LRRC4B: variants seen among roughly 807,000 people sequenced by gnomAD.
LRRC4B encodes the protein leucine rich repeat containing 4B.
LRRC4B carries 1 observed loss-of-function variant against 7.3 expected under a neutral mutation model. The ratio of observed to expected loss-of-function variants is 0.14; its 90% CI spans 0.05 to 0.65. The LOEUF (loss-of-function observed/expected upper bound fraction) is 0.65, where lower values mean the gene tolerates loss of function less well. LRRC4B is among the 30% of genes least tolerant of loss of function. The pLI is 0.84. For synonymous variants in LRRC4B, 500 were observed against 499.2 expected (o/e 1.00, Z -0.02); for missense variants, 730 against 1,041.6 (o/e 0.70, Z 4.12).
In LRRC4B at chr19:50,567,715, A is replaced by G. The variant is rs976104210; in HGVS notation, c.-36+229T>C. 4.8e-5 allele frequency among the ~76,000 whole-genome samples: 3 copies of G among 62,030 alleles called. No homozygotes were observed. The South Asian group carries it at 2.0e-3, about 41-fold the overall frequency. The allele number at this position is 62,030 out of a possible 152,430, so 40.7% of individuals were successfully genotyped here. On this transcript the variant is annotated intron_variant, in intron 1 of 2. Transcript: ENST00000652263. ...CTGTCCCCAGGCAGCGGCGACAACCACCCCCCCCACAGCACAGAACTCGCC... is the reference window on the plus strand; with the variant it reads ...CTGTCCCCAGGCAGCGGCGACAACCGCCCCCCCCACAGCACAGAACTCGCC...
intron 1 of LRRC4B, among the ~76,000 whole-genome samples, chr19:50,550,047 T>C (rs1344768046): frequency 1.3e-5 from 2 of 152,080 alleles, no homozygotes; most frequent in South Asian, 2.1e-4. Context: ...CCAGTAACAA[T>C]AGTCTCTCCG....
chr19:50,545,520 G>A (rs1159546931), intron 2 of LRRC4B, among the ~76,000 whole-genome samples: 1 of 151,854 alleles, frequency 6.6e-6, no homozygotes, highest in East Asian at 1.9e-4. Flanking sequence ...AGTTAAGGCT[G>A]CAGGGAGCCA....
chr19:50,560,716 C>T (rs1467061600), intron 1 of LRRC4B, among the ~76,000 whole-genome samples: 1 of 152,232 alleles, frequency 6.6e-6, no homozygotes, highest in African/African-American at 2.4e-5. Flanking sequence ...AAGATAATGA[C>T]ACCTATTAAT....
chr19:50,562,117 CAA>C (rs11333930), intron 1 of LRRC4B, among the ~76,000 whole-genome samples: 6,066 of 130,328 alleles, frequency 0.047, 203 homozygotes, highest in African/African-American at 0.11. Flanking sequence ...GACCCTGTCT[CAA>C]AAAAAAAAAA....
intron 2 of LRRC4B, among the ~76,000 whole-genome samples, chr19:50,528,427 C>T (rs185415849): frequency 1.8e-4 from 28 of 152,288 alleles, no homozygotes; most frequent in Non-Finnish European, 4.0e-4. Flanking sequence ...TCACTGCAAC[C>T]TCTGCCTTCT....
Position 50,517,843 on chromosome 19 carries a change from G to C in LRRC4B, c.1870C>G (p.Leu624Val). 6.3e-7 allele frequency: 1 copy of C among 1,581,478 alleles called. No individual in the cohort carries two copies. Among genetic ancestry groups the C allele is most frequent in the Non-Finnish European group, 8.6e-7 (1 of 1,168,398 alleles). Residue 624 changes from leucine (L) to valine (V), a missense_variant, in exon 3 of 3, where the codon CTG becomes GTG. Physicochemically the swap from Leu to Val is conservative, Grantham distance 32 (BLOSUM62 1). Coordinates refer to ENST00000652263, the MANE Select transcript of LRRC4B (RefSeq NM_001080457.2). This position sits in a 1 kb window ranked among gnomAD's most constrained non-coding sequence, Gnocchi z 6.6. ...ACGGACACGGCCGAGGCGGCGGGCAGCTCGTCCTCCACGTTGATGATCTCC... is the reference window on the plus strand; with the variant it reads ...ACGGACACGGCCGAGGCGGCGGGCACCTCGTCCTCCACGTTGATGATCTCC... ...TVEIINVEDELPAASAVSVAA... is the reference protein window; with the variant it reads ...TVEIINVEDEVPAASAVSVAA...
chr19:50,543,336 GT>G (rs35000982), intron 2 of LRRC4B, among the ~76,000 whole-genome samples: 3 of 42,854 alleles, frequency 7.0e-5, no homozygotes, highest in African/African-American at 4.0e-4. Context: ...CCAGGCCCTG[GT>G]GTGTGTGTGT....
chr19:50,534,175 A>G (rs1666297726), intron 2 of LRRC4B, among the ~76,000 whole-genome samples: 1 of 152,142 alleles, frequency 6.6e-6, no homozygotes, highest in Admixed American at 6.6e-5. Context: ...AGAAGAAGAG[A>G]GACACTAAAC....
At chr19:50,530,690 G>A (rs1157820645) in intron 2 of LRRC4B, among the ~76,000 whole-genome samples, 1 of 152,054 alleles carries the variant, frequency 6.6e-6, no homozygotes, top group African/African-American at 2.4e-5. Context: ...GGCGTGTGCT[G>A]GGCACAGGCG....
chr19:50,563,088 C>A lies in LRRC4B; in HGVS notation c.-36+4856G>T, dbSNP rs1028353377. Among the ~76,000 whole-genome samples the A allele has an allele frequency of 3.3e-5, 5 of 152,146 alleles. No individual in the cohort carries two copies. Among genetic ancestry groups the A allele is most frequent in the African/African-American group, 1.2e-4 (5 of 41,444 alleles). On this transcript the variant is annotated intron_variant, in intron 1 of 2. Transcript: ENST00000652263. The surrounding 1 kb of genome is among the most constrained non-coding windows in gnomAD (Gnocchi z 4.9). ...CACCAGGATCCCAGATACTACCAGA[C>A]ACCCCCCATTCTCACTCTCAGCAGC...
At chr19:50,564,357 T>G in intron 1 of LRRC4B, among the ~76,000 whole-genome samples, 2 of 150,412 alleles carry the variant, frequency 1.3e-5, no homozygotes, top group East Asian at 3.9e-4. Context: ...CTCAGGGATG[T>G]GGGGAGAGGG....
chr19:50,554,306 CAT>C (rs1280718737), intron 1 of LRRC4B, among the ~76,000 whole-genome samples: 6 of 152,070 alleles, frequency 3.9e-5, no homozygotes, highest in Admixed American at 1.3e-4. Flanking sequence ...AGGAAGCACA[CAT>C]CTCACGTCAG....
chr19:50,556,944 C>G lies in LRRC4B; in HGVS notation c.-35-8071G>C, dbSNP rs1568736014. Among the ~76,000 whole-genome samples, 1 of 150,694 alleles carries G rather than the reference C, an allele frequency of 6.6e-6. No homozygotes were observed. ...CTGTTACAGAGGCCGTGGCAATGGG[C>G]CGGGGGCGGGGGGGCCCTCCTTCCT... is the stretch of plus-strand genomic sequence containing the variant. On this transcript the variant is annotated intron_variant, in intron 1 of 2. Coordinates refer to ENST00000652263, the MANE Select transcript of LRRC4B (RefSeq NM_001080457.2). The surrounding 1 kb of genome is among the most constrained non-coding windows in gnomAD (Gnocchi z 4.2).
chr19:50,565,526 C>CGTGTGTGTGTGTGTGTGTGTGTGTGT (rs67157266), intron 1 of LRRC4B, among the ~76,000 whole-genome samples: 1 of 147,230 alleles, frequency 6.8e-6, no homozygotes, highest in Admixed American at 6.8e-5. Flanking sequence ...TGTGTGCTCT[C>CGTGTGTGTGTGTGTGTGTGTGTGTGT]GTGTGTGTGT....
intron 1 of LRRC4B, among the ~76,000 whole-genome samples, chr19:50,564,320 G>A (rs1317862526): frequency 1.3e-5 from 2 of 152,082 alleles, no homozygotes; most frequent in East Asian, 1.9e-4. Flanking sequence ...CTCTTGGGCC[G>A]CCCGGAGGAC....
At chr19:50,541,908 G>A (rs910031403) in intron 2 of LRRC4B, among the ~76,000 whole-genome samples, 2 of 152,140 alleles carry the variant, frequency 1.3e-5, no homozygotes, top group Non-Finnish European at 2.9e-5. Flanking sequence ...GCAGATGGAC[G>A]GGGGTGGGTG....
chr19:50,548,618 C>T lies in LRRC4B; in HGVS notation c.221G>A (p.Arg74Gln), dbSNP rs549731094. The part of the protein sequence containing the change: ...SNQASRVICT[R>Q]RDLAEVPASI... The stretch of plus-strand genomic sequence containing the variant: ...GGCTGGGACCTCGGCCAGGTCTCTC[C>T]GTGTGCAGATCACCCGGCTGGCCTG... Residue 74 changes from arginine (R) to glutamine (Q), a missense_variant, in exon 2 of 3, where the codon CGG (arginine) becomes CAG (glutamine). Around this residue, in one of 6 missense-constraint regions of LRRC4B, gnomAD observed 143 missense variants for 158.4 expected, o/e 0.90. Coordinates refer to ENST00000652263, the MANE Select transcript of LRRC4B (RefSeq NM_001080457.2). The surrounding 1 kb of genome is among the most constrained non-coding windows in gnomAD (Gnocchi z 6.8). The T allele has an allele frequency of 7.5e-6, 12 of 1,597,608 alleles. No homozygotes were observed. The highest frequency in any genetic ancestry group is 2.3e-5 in the East Asian group (1 of 44,308).
rs374434364 is a variant in LRRC4B at position 50,529,835 on chromosome 19, A to G, written c.298-10420T>C. On this transcript the variant is annotated intron_variant, in intron 2 of 2. Transcript: ENST00000652263. ...TAATAAATACAGAAAGAACAAAGGT[A>G]TTGCTGGTCCATGTGCTGTCAAGAG... Among the ~76,000 whole-genome samples the G allele has an allele frequency of 5.3e-5, 8 of 152,086 alleles. No individual in the cohort carries two copies. The East Asian group carries it at 5.8e-4, about 11-fold the overall frequency.
chr19:50,547,682 C>T (rs1981873195), intron 2 of LRRC4B, among the ~76,000 whole-genome samples: 1 of 149,028 alleles, frequency 6.7e-6, no homozygotes, highest in Non-Finnish European at 1.5e-5. Flanking sequence ...GGTAAACATC[C>T]TACAGCACAC....
Sources: gnomAD v4.1 joint callset for allele counts (sites outside exome capture counted in the v4.1 genomes callset) on GRCh38, gnomAD v4.1.1 for gene constraint, gnomAD v4.1.1 regional missense constraint, Gnocchi (gnomAD v3.1) non-coding constraint, MANE v1.5 for transcripts, NCBI Gene and HGNC (gene_info 2026-07-23, HGNC 2026-07-21) for gene names.